The following SCNN1B variants were observed in gnomAD, a reference collection of about 807,000 sequenced individuals.
The protein encoded by SCNN1B is sodium channel epithelial 1 subunit beta, also known as epithelial sodium channel subunit beta.
A neutral mutation model predicts 65.3 loss-of-function variants in SCNN1B; 46 were observed. That is an observed-to-expected ratio of 0.70 (90% CI 0.56 to 0.90). The LOEUF is 0.90. Ranked by LOEUF, SCNN1B falls within the 40% of genes least tolerant of loss-of-function variation. The probability of loss-of-function intolerance (pLI) is 0.00; values close to 1 mark genes in which losing one functional copy is unlikely to be tolerated. For synonymous variants in SCNN1B, 349 were observed against 330.6 expected (o/e 1.06, Z -0.60); for missense variants, 751 against 830.5 (o/e 0.90, Z 1.18).
At chr16:23,349,687 C>T (rs959192731) in intron 2 of SCNN1B, among the ~76,000 whole-genome samples, 8 of 152,162 alleles carry the variant, frequency 5.3e-5, no homozygotes, top group African/African-American at 1.9e-4. Flanking sequence ...CTAGGCAACA[C>T]AAATACAACA....
intron 1 of SCNN1B, among the ~76,000 whole-genome samples, chr16:23,325,947 G>C (rs1961688096): frequency 6.6e-6 from 1 of 151,768 alleles, no homozygotes; most frequent in Middle Eastern, 3.4e-3. Context: ...CACAGCTGTA[G>C]TCTCAGCTAC....
At chr16:23,289,804 T>C (rs1172529906) in intron 2 of SCNN1B, among the ~76,000 whole-genome samples, 2 of 151,076 alleles carry the variant, frequency 1.3e-5, no homozygotes, top group Non-Finnish European at 2.9e-5. Context: ...GCCTCCTGAG[T>C]AGCTGGGATT....
At chr16:23,284,302 G>T (rs1313526448) in intron 2 of SCNN1B, among the ~76,000 whole-genome samples, 2 of 152,114 alleles carry the variant, frequency 1.3e-5, no homozygotes, top group African/African-American at 4.8e-5. Flanking sequence ...CTACTCGGGA[G>T]GCTGAGGTAG....
At chr16:23,304,232 C>T in intron 1 of SCNN1B, 1 of 691,794 alleles carries the variant, frequency 1.4e-6, no homozygotes, top group Non-Finnish European at 2.5e-6. Flanking sequence ...CCACTGCTCA[C>T]ATACGGACCC....
rs200401219 is a variant in SCNN1B at position 23,375,813 on chromosome 16, C to T, written c.1228C>T (p.Arg410Cys). 6.6e-5 allele frequency: 106 copies of T among 1,614,024 alleles called. No individual in the cohort carries two copies. Among genetic ancestry groups the T allele is most frequent in the African/African-American group, 2.3e-4 (17 of 75,056 alleles). ...TGGCCACTACCTGTACCCACTGCCC[C>T]GTGGGGAGAAATACTGCAACAACCG... Reference protein sequence around the residue: ...NCGHYLYPLPRGEKYCNNRDF... With the variant: ...NCGHYLYPLPCGEKYCNNRDF... The change falls in exon 8 of 13, where the codon CGT becomes TGT. Residue 410 changes from arginine (R) to cysteine (C), a missense_variant. Coordinates refer to ENST00000343070, the MANE Select transcript of SCNN1B (RefSeq NM_000336.3).
chr16:23,356,095 G>A (rs74548855), intron 4 of SCNN1B, among the ~76,000 whole-genome samples: 1,837 of 152,194 alleles, frequency 0.012, 30 homozygotes, highest in African/African-American at 0.04. Flanking sequence ...TGCGTGCCCC[G>A]TGAGCTGGTC....
chr16:23,348,260 G>A lies in SCNN1B; in HGVS notation c.-8-332G>A, dbSNP rs115870123. On this transcript the variant is annotated intron_variant, in intron 1 of 12. Coordinates refer to ENST00000343070, the MANE Select transcript of SCNN1B (RefSeq NM_000336.3). The surrounding 1 kb of genome is among the most constrained non-coding windows in gnomAD (Gnocchi z 4.5). ...TTTATGCACAGAGAACCTGAGTTGAGAGTTTAAGTCACTTGTTCACTAGGT... is the reference window on the plus strand; with the variant it reads ...TTTATGCACAGAGAACCTGAGTTGAAAGTTTAAGTCACTTGTTCACTAGGT... Among the ~76,000 whole-genome samples the A allele has an allele frequency of 5.1e-3, 782 of 152,286 alleles. 8 individuals are homozygous for A. The highest frequency in any genetic ancestry group is 0.016 in the African/African-American group (680 of 41,552).
chr16:23,290,489 G>A (rs1284368114), intron 2 of SCNN1B, among the ~76,000 whole-genome samples: 1 of 152,048 alleles, frequency 6.6e-6, no homozygotes, highest in African/African-American at 2.4e-5. Context: ...TCTGTTTGTT[G>A]TAGAGACCAG....
chr16:23,375,891 T>C (rs1962884399), intron 8 of SCNN1B, 36 bp downstream of exon 8: 2 of 1,371,280 alleles, frequency 1.5e-6, no homozygotes, highest in African/African-American at 2.9e-5. Flanking sequence ...ACTCCAGCCA[T>C]CTGGGGCCAC....
intron 2 of SCNN1B, among the ~76,000 whole-genome samples, chr16:23,349,528 T>C (rs1224780938): frequency 1.3e-5 from 2 of 152,008 alleles, no homozygotes; most frequent in Non-Finnish European, 2.9e-5. Flanking sequence ...CCAGCCTGGG[T>C]AACAGATGCT....
At chr16:23,300,993 C>CGTGTGTGTGTGTGTGTGTGT (rs60930177), upstream of SCNN1B, among the ~76,000 whole-genome samples, 215 of 148,468 alleles carry the variant, frequency 1.4e-3, no homozygotes, top group African/African-American at 4.1e-3. Context: ...GTTAAAAACA[C>CGTGTGTGTGTGTGTGTGTGT]GTGTGTGTGT....
chr16:23,337,109 T>G (rs1471451599), intron 1 of SCNN1B, among the ~76,000 whole-genome samples: 3 of 152,206 alleles, frequency 2.0e-5, no homozygotes, highest in East Asian at 3.9e-4. Context: ...AGGCTTGCAA[T>G]GATACAATCA....
intron 4 of SCNN1B, among the ~76,000 whole-genome samples, chr16:23,364,676 G>C (rs935804835): frequency 6.6e-5 from 10 of 152,132 alleles, no homozygotes; most frequent in African/African-American, 2.2e-4. Flanking sequence ...GTCTGAGGTG[G>C]AGACAGGTGG....
At chr16:23,283,368 G>A (rs61155938) in intron 1 of SCNN1B, among the ~76,000 whole-genome samples, 6,717 of 152,228 alleles carry the variant, frequency 0.044, 488 homozygotes, top group African/African-American at 0.15. Context: ...CCAAGATCAC[G>A]ACACTGCACT....
chr16:23,303,975 T>G, intron 1 of SCNN1B: 6 of 1,010,282 alleles, frequency 5.9e-6, no homozygotes, highest in South Asian at 1.4e-5. Context: ...TTCTGCAACT[T>G]GAGCCCTCTC....
chr16:23,355,838 C>T (rs1962409813), intron 4 of SCNN1B, among the ~76,000 whole-genome samples: 1 of 151,884 alleles, frequency 6.6e-6, no homozygotes, highest in East Asian at 1.9e-4. Flanking sequence ...CCCCTGTAGT[C>T]CCAGCACTTT....
intron 1 of SCNN1B, among the ~76,000 whole-genome samples, chr16:23,322,746 G>A (rs1435914947): frequency 6.6e-6 from 1 of 152,100 alleles, no homozygotes; most frequent in Non-Finnish European, 1.5e-5. Context: ...AAGATGATTT[G>A]TGAGTTTTTA....
chr16:23,359,848 A>G (rs1156774892), intron 4 of SCNN1B, among the ~76,000 whole-genome samples: 11 of 152,204 alleles, frequency 7.2e-5, no homozygotes, highest in Non-Finnish European at 1.5e-4. Flanking sequence ...AAATGAGAAC[A>G]TATGCAAAGT....
chr16:23,300,181 G>A (rs915487841), upstream of SCNN1B, among the ~76,000 whole-genome samples: 2 of 152,134 alleles, frequency 1.3e-5, no homozygotes, highest in South Asian at 4.1e-4. Flanking sequence ...TCACACACCA[G>A]AGCCTGTCAG....
Sources: allele counts gnomAD v4.1 joint callset (sites outside exome capture counted in the v4.1 genomes callset), GRCh38; gene constraint gnomAD v4.1.1; non-coding constraint Gnocchi (gnomAD v3.1); transcripts MANE v1.5; gene names NCBI Gene and HGNC (gene_info 2026-07-23, HGNC 2026-07-21).